SHANK1: variants seen among roughly 807,000 people sequenced by gnomAD.
SHANK1 encodes SH3 and multiple ankyrin repeat domains 1.
In SHANK1, 35 loss-of-function variants were observed where a neutral mutation model predicts 165.6. The observed-to-expected ratio is 0.21, with a 90% CI of 0.16 to 0.28. The LOEUF (loss-of-function observed/expected upper bound fraction) is 0.28. Among genes scored for constraint, SHANK1 ranks in the 10% least tolerant of loss-of-function variants. The pLI, the probability that SHANK1 is intolerant of heterozygous loss-of-function variation, is 1.00. For synonymous variants in SHANK1, 1,428 were observed against 1,384.8 expected, an observed-to-expected ratio of 1.03 and a Z score of -0.69; for missense variants, 2,681 against 3,036.4, an observed-to-expected ratio of 0.88 and a Z score of 2.75.
chr19:50,716,242 C>G lies in SHANK1; in HGVS notation c.459+33G>C, dbSNP rs957193871. On this transcript the variant is annotated intron_variant, in intron 3 of 23. Transcript: ENST00000293441. The surrounding 1 kb of genome is among the most constrained non-coding windows in gnomAD (Gnocchi z 8.4). ...GCAGATGTGTTTTAGGGCATGCCTT[C>G]TCTTATCAGTGAAGGAGTTGGGGAA... 1.6e-5 allele frequency: 26 copies of G among 1,602,884 alleles called. No individual in the cohort carries two copies. Among genetic ancestry groups the G allele is most frequent in the Admixed American group, 1.2e-4 (7 of 59,950 alleles).
chr19:50,698,116 C>T (rs766209251), intron 12 of SHANK1, among the ~76,000 whole-genome samples, 160 bp from the exon 13 acceptor site: 6 of 152,182 alleles, frequency 3.9e-5, no homozygotes, highest in Non-Finnish European at 7.3e-5. Flanking sequence ...GGGGGAGACC[C>T]ATATCATATC....
At chr19:50,711,513 A>C in intron 7 of SHANK1, 26 bp from the exon 8 acceptor site, 1 of 1,518,494 alleles carries the variant, frequency 6.6e-7, no homozygotes, top group Non-Finnish European at 9.0e-7. Context: ...AGCGAGGGGC[A>C]TGGATCAGAC....
Position 50,718,489 on chromosome 19 carries a change from G to C in SHANK1, c.-44+917C>G, listed in dbSNP as rs2089094334. ...CGTACGGCTGCCCCAGCCCCCCCGG[G>C]CCGGCTCCGGCCCCTCCCCCTCAGG... is the stretch of plus-strand genomic sequence containing the variant. On this transcript the variant is annotated intron_variant, in intron 1 of 23. Transcript: ENST00000293441. This position sits in a 1 kb window ranked among gnomAD's most constrained non-coding sequence, Gnocchi z 5.1. 6.6e-6 allele frequency among the ~76,000 whole-genome samples: 1 copy of C among 152,156 alleles called. No homozygotes were observed. The highest frequency in any genetic ancestry group is 6.5e-5 in the Admixed American group (1 of 15,284).
chr19:50,710,847 G>T (rs2088999174), intron 8 of SHANK1, among the ~76,000 whole-genome samples: 1 of 152,224 alleles, frequency 6.6e-6, no homozygotes, highest in Non-Finnish European at 1.5e-5. Flanking sequence ...TGCAGACACA[G>T]GGGAACTGAG....
Position 50,688,132 on chromosome 19 carries a change from G to A in SHANK1, c.2173-74C>T. 6.3e-7 allele frequency: 1 copy of A among 1,574,822 alleles called. No homozygotes were observed. The highest frequency in any genetic ancestry group is 8.7e-7 in the Non-Finnish European group (1 of 1,153,528). On this transcript the variant is annotated intron_variant, in intron 17 of 23. Transcript: ENST00000293441. This position sits in a 1 kb window ranked among gnomAD's most constrained non-coding sequence, Gnocchi z 6.7. ...TGCTTGCAGCTTCAGAGACCCCAAG[G>A]AGGATGCCTCCTGCGCTGCCCTGTC...
At position 50,702,205 on chromosome 19, in the gene SHANK1, T is replaced by C. The variant is rs1986939252; in HGVS notation, c.1747+262A>G. On this transcript the variant is annotated intron_variant, in intron 12 of 23. Coordinates refer to ENST00000293441, the MANE Select transcript of SHANK1 (RefSeq NM_016148.5). This position sits in a 1 kb window ranked among gnomAD's most constrained non-coding sequence, Gnocchi z 5.3. ...CCATCAGGAGTCTAATGAGACGATT[T>C]GGTGAGAAGTTCCAGCCATGCCCTG... Among the ~76,000 whole-genome samples, 1 of 152,086 alleles carries C rather than the reference T, an allele frequency of 6.6e-6. No individual in the cohort carries two copies. The highest frequency in any genetic ancestry group is 2.4e-5 in the African/African-American group (1 of 41,420).
At chr19:50,710,346 G>C (rs1185870292) in intron 8 of SHANK1, among the ~76,000 whole-genome samples, 1 of 152,236 alleles carries the variant, frequency 6.6e-6, no homozygotes, top group East Asian at 1.9e-4. Flanking sequence ...GGCAGAGGGG[G>C]CTGAGGGCTG....
In SHANK1 at chr19:50,697,052, C is replaced by G. The variant is rs751616335; in HGVS notation, c.1964+44G>C. The G allele has an allele frequency of 6.4e-7, 1 of 1,553,590 alleles. No individual in the cohort carries two copies. Among genetic ancestry groups the G allele is most frequent in the Non-Finnish European group, 8.9e-7 (1 of 1,124,980 alleles). ...TCACACGCCCCCCAGGCACCCCGTC[C>G]TTCCCCTCCTGACCCCATCCCCTCC... is the stretch of plus-strand genomic sequence containing the variant. On this transcript the variant is annotated intron_variant, in intron 15 of 23. Transcript: ENST00000293441. This position sits in a 1 kb window ranked among gnomAD's most constrained non-coding sequence, Gnocchi z 4.7.
intron 22 of SHANK1, among the ~76,000 whole-genome samples, chr19:50,669,680 G>A (rs75634671): frequency 0.024 from 3,584 of 152,188 alleles, 75 homozygotes; most frequent in Non-Finnish European, 0.028. Flanking sequence ...TCACGTATAT[G>A]CGGGAAAGAA....
chr19:50,689,063 G>T, intron 16 of SHANK1, 95 bp from the exon 17 acceptor site: 2 of 1,105,390 alleles, frequency 1.8e-6, no homozygotes, highest in Non-Finnish European at 2.7e-6. Flanking sequence ...AGGCCTCACC[G>T]CAGCTGAGGG....
chr19:50,708,374 C>T (rs541732678), intron 8 of SHANK1, among the ~76,000 whole-genome samples: 1 of 152,260 alleles, frequency 6.6e-6, no homozygotes, highest in South Asian at 2.1e-4. Flanking sequence ...TTGATGGCTC[C>T]CTCCCCTGGG....
At position 50,686,569 on chromosome 19, in the gene SHANK1, G is replaced by A. The variant is rs751887220; in HGVS notation, c.2458+175C>T. On this transcript the variant is annotated intron_variant, in intron 20 of 23. Coordinates refer to ENST00000293441, the MANE Select transcript of SHANK1 (RefSeq NM_016148.5). The surrounding 1 kb of genome is among the most constrained non-coding windows in gnomAD (Gnocchi z 5.7). ...CAGCACCCAGGGTGGGAAGGGGTGC[G>A]GGCAGGGAACGGGGCAGCCGTCGGG... 6.6e-6 allele frequency among the ~76,000 whole-genome samples: 1 copy of A among 152,136 alleles called. No individual in the cohort carries two copies. Among genetic ancestry groups the A allele is most frequent in the Non-Finnish European group, 1.5e-5 (1 of 68,018 alleles).
rs1380452298 is a variant in SHANK1 at position 50,666,994 on chromosome 19, G to A, written c.4966C>T (p.Pro1656Ser). 3.2e-6 allele frequency: 5 copies of A among 1,571,986 alleles called. No individual in the cohort carries two copies. Among genetic ancestry groups the A allele is most frequent in the Non-Finnish European group, 4.3e-6 (5 of 1,159,648 alleles). ...CCAGGCTGTGGGGCAGCGGGAGCCGGTGCTGCTGGGGCAGGCGGGCCTGGT... is the reference window on the plus strand; with the variant it reads ...CCAGGCTGTGGGGCAGCGGGAGCCGATGCTGCTGGGGCAGGCGGGCCTGGT... ...HPPGPPAPAA[P>S]APAAPQPGPD... is the part of the protein sequence containing the mutation. The change falls in exon 23 of 24, where the codon CCG becomes TCG. Residue 1656 changes from proline to serine, a missense_variant. Physicochemically the swap from Pro to Ser is moderately conservative, Grantham distance 74 (BLOSUM62 -1). This residue lies in a region of SHANK1 where 1,713 missense variants were observed against 1,630.2 expected (regional missense o/e 1.05). Transcript: ENST00000293441.
Position 50,713,856 on chromosome 19 carries a change from C to T in SHANK1, c.734G>A (p.Arg245Gln), listed in dbSNP as rs748751040. 7 of 1,613,956 alleles carry T rather than the reference C, an allele frequency of 4.3e-6. No homozygotes were observed. Among genetic ancestry groups the T allele is most frequent in the African/African-American group, 1.3e-5 (1 of 75,008 alleles). ...LGGAHIDFRA[R>Q]DGMTALHKAA... ...CTTATGCAGTGCGGTCATGCCATCCCGGGCCCGGAAGTCAATGTGGGCCCC... is the reference window on the plus strand; with the variant it reads ...CTTATGCAGTGCGGTCATGCCATCCTGGGCCCGGAAGTCAATGTGGGCCCC... The change falls in exon 6 of 24, where the codon CGG (arginine) becomes CAG (glutamine). Residue 245 changes from arginine to glutamine, a missense_variant. This residue lies in a region of SHANK1 where 189 missense variants were observed against 440.9 expected (regional missense o/e 0.43). Transcript: ENST00000293441. This position sits in a 1 kb window ranked among gnomAD's most constrained non-coding sequence, Gnocchi z 6.2.
intron 22 of SHANK1, among the ~76,000 whole-genome samples, chr19:50,671,246 C>T (rs1478413652): frequency 1.5e-5 from 2 of 136,612 alleles, no homozygotes; most frequent in East Asian, 2.1e-4. Flanking sequence ...TGCAGTGGCA[C>T]GTTCTCGGCT....
At chr19:50,680,948 G>A (rs1291469325) in intron 21 of SHANK1, among the ~76,000 whole-genome samples, 2 of 152,062 alleles carry the variant, frequency 1.3e-5, no homozygotes, top group African/African-American at 4.8e-5. Context: ...GAGCCACCAC[G>A]CCTGGCTGAT....
intron 21 of SHANK1, among the ~76,000 whole-genome samples, chr19:50,677,381 G>A (rs1986016459): frequency 6.6e-6 from 1 of 152,062 alleles, no homozygotes; most frequent in Admixed American, 6.6e-5. Flanking sequence ...ACCCACCTTG[G>A]CCTCCCAAAG....
Position 50,702,679 on chromosome 19 carries a change from T to A in SHANK1, c.1554-19A>T. 1 of 1,522,912 alleles carries A rather than the reference T, an allele frequency of 6.6e-7. No homozygotes were observed. The highest frequency in any genetic ancestry group is 8.8e-7 in the Non-Finnish European group (1 of 1,131,072). 94.3% of individuals were successfully genotyped at this position (1,522,912 alleles called of 1,614,324 possible). A position where few individuals can be genotyped will look rare whatever the true frequency, so the allele number is the denominator to read the frequency against. On this transcript the variant is annotated intron_variant, in intron 11 of 23. Transcript: ENST00000293441. This position sits in a 1 kb window ranked among gnomAD's most constrained non-coding sequence, Gnocchi z 5.3. ...GCTGGAGCTGCGTACACAGAGGGCA[T>A]GAGAGGAGGGGAGGGTGGAGGGAGG...
intron 12 of SHANK1, among the ~76,000 whole-genome samples, chr19:50,698,708 G>A (rs551505832): frequency 6.6e-6 from 1 of 152,320 alleles, no homozygotes; most frequent in African/African-American, 2.4e-5. Flanking sequence ...GGCTTGGAGA[G>A]CCAAGATCAT....
Sources: allele counts gnomAD v4.1 joint callset (sites outside exome capture counted in the v4.1 genomes callset), GRCh38; gene constraint gnomAD v4.1.1; regional missense constraint gnomAD v4.1.1; non-coding constraint Gnocchi (gnomAD v3.1); transcripts MANE v1.5; gene names NCBI Gene and HGNC (gene_info 2026-07-23, HGNC 2026-07-21).